MSI2: variants seen among roughly 807,000 people sequenced by gnomAD.
MSI2 encodes musashi RNA binding protein 2.
MSI2 carries 17 observed loss-of-function variants against 45.6 expected under a neutral mutation model. The ratio of observed to expected loss-of-function variants is 0.37; its 90% CI spans 0.26 to 0.56. The LOEUF (loss-of-function observed/expected upper bound fraction) is 0.56. Ranked by LOEUF, MSI2 falls within the 20% of genes least tolerant of loss-of-function variation. The pLI is 0.77. For synonymous variants in MSI2, 156 were observed against 158.2 expected, an observed-to-expected ratio of 0.99 and a Z score of 0.11; for missense variants, 293 against 444.2, an observed-to-expected ratio of 0.66 and a Z score of 3.06.
chr17:57,624,055 C>T (rs1265104108), intron 9 of MSI2, among the ~76,000 whole-genome samples: 1 of 152,120 alleles, frequency 6.6e-6, no homozygotes, highest in Admixed American at 6.5e-5. Flanking sequence ...TGAACTTGAC[C>T]ATGCTTTTCT....
intron 5 of MSI2, among the ~76,000 whole-genome samples, chr17:57,343,872 C>A (rs1567769622): frequency 6.6e-6 from 1 of 152,188 alleles, no homozygotes; most frequent in Non-Finnish European, 1.5e-5. Flanking sequence ...AGTATTTCCT[C>A]ATGACTAGAT....
intron 5 of MSI2, among the ~76,000 whole-genome samples, chr17:57,323,307 A>AT (rs1042205181): frequency 3.3e-5 from 5 of 152,002 alleles, no homozygotes; most frequent in African/African-American, 1.2e-4. Flanking sequence ...TGTGAGACTG[A>AT]TTTTTTTTCA....
intron 7 of MSI2, among the ~76,000 whole-genome samples, chr17:57,550,635 G>A (rs966594569): frequency 6.6e-6 from 1 of 152,132 alleles, no homozygotes; most frequent in Non-Finnish European, 1.5e-5. Flanking sequence ...ATCCAAACGA[G>A]CTCTCCGTTT....
intron 3 of MSI2, among the ~76,000 whole-genome samples, chr17:57,257,838 G>GTTTTTTTTTTTTTTTTTTTT (rs200658768): frequency 6.7e-6 from 1 of 148,184 alleles, no homozygotes. Context: ...CTTTCGCATA[G>GTTTTTTTTTTTTTTTTTTTT]TTTTTTTTTT....
At chr17:57,393,408 T>C (rs1193335850) in intron 5 of MSI2, among the ~76,000 whole-genome samples, 1 of 152,242 alleles carries the variant, frequency 6.6e-6, no homozygotes, top group Non-Finnish European at 1.5e-5. Flanking sequence ...CTTGTTTCAC[T>C]TGGCATAACG....
chr17:57,579,058 C>T (rs566481774), intron 7 of MSI2, among the ~76,000 whole-genome samples: 6 of 152,222 alleles, frequency 3.9e-5, no homozygotes, highest in East Asian at 1.9e-4. Context: ...GAATAAAAAC[C>T]GCTGTCAACA....
At chr17:57,370,978 C>T (rs941977676) in intron 5 of MSI2, among the ~76,000 whole-genome samples, 9 of 152,068 alleles carry the variant, frequency 5.9e-5, no homozygotes, top group Admixed American at 1.3e-4. Context: ...TGATTTGATC[C>T]GCAGGAGAAT....
At position 57,552,710 on chromosome 17, in the gene MSI2, G is replaced by A. The variant is rs1025179202; in HGVS notation, c.454+22986G>A. On this transcript the variant is annotated intron_variant, in intron 7 of 13. Transcript: ENST00000284073. This position sits in a 1 kb window ranked among gnomAD's most constrained non-coding sequence, Gnocchi z 4.3. Reference sequence around the variant, plus strand: ...CCCAACCCTCTCTGAGCCCCAACATGGGGGAACACTGGTCTCTTCTTTCTG... The same window carrying A: ...CCCAACCCTCTCTGAGCCCCAACATAGGGGAACACTGGTCTCTTCTTTCTG... Among the ~76,000 whole-genome samples, 5 of 152,214 alleles carry A rather than the reference G, an allele frequency of 3.3e-5. 1 individual carries two copies. The highest frequency in any genetic ancestry group is 3.3e-4 in the Admixed American group (5 of 15,284).
intron 5 of MSI2, among the ~76,000 whole-genome samples, chr17:57,283,184 C>G (rs1909573848): frequency 6.6e-6 from 1 of 152,068 alleles, no homozygotes; most frequent in South Asian, 2.1e-4. Flanking sequence ...CCTTTCTTTT[C>G]CCTTTCAAAC....
chr17:57,584,201 C>G (rs141225575), intron 7 of MSI2, among the ~76,000 whole-genome samples: 1 of 152,346 alleles, frequency 6.6e-6, no homozygotes, highest in East Asian at 1.9e-4. Context: ...TCCGCTCCCT[C>G]CTGGCAGAGC....
intron 5 of MSI2, among the ~76,000 whole-genome samples, chr17:57,322,265 C>T (rs147112125): frequency 6.6e-6 from 1 of 152,242 alleles, no homozygotes; most frequent in African/African-American, 2.4e-5. Flanking sequence ...CTTCTTTGGT[C>T]CTGAGCGCAG....
intron 5 of MSI2, among the ~76,000 whole-genome samples, chr17:57,303,430 G>C (rs1024180172): frequency 6.6e-6 from 1 of 152,214 alleles, no homozygotes; most frequent in African/African-American, 2.4e-5. Flanking sequence ...TAGAAACGCA[G>C]TGTGAAGGGG....
At chr17:57,591,954 C>A (rs1567921669) in intron 7 of MSI2, among the ~76,000 whole-genome samples, 2 of 151,874 alleles carry the variant, frequency 1.3e-5, no homozygotes, top group Non-Finnish European at 2.9e-5. Flanking sequence ...AGGCGGATCA[C>A]CTGAGGTCAG....
intron 10 of MSI2, among the ~76,000 whole-genome samples, chr17:57,650,191 A>G (rs1200145656): frequency 6.7e-6 from 1 of 149,376 alleles, no homozygotes; most frequent in Non-Finnish European, 1.5e-5. Context: ...TATTGACTAC[A>G]CTCCCCTCCC....
rs2087098762 is a variant in MSI2, at chr17:57,543,515, G to A, written c.454+13791G>A. ...CCAGAGGCCAGGTAGAGAGAGGTGT[G>A]TGCTTACAGATCGAGTTCTAAATTT... On this transcript the variant is annotated intron_variant, in intron 7 of 13. Transcript: ENST00000284073. Among the ~76,000 whole-genome samples the A allele has an allele frequency of 2.6e-5, 4 of 152,124 alleles. No homozygotes were observed. The South Asian group carries it at 8.3e-4, about 32-fold the overall frequency.
the MSI2 span, among the ~76,000 whole-genome samples, chr17:57,692,427 T>C: frequency 6.6e-6 from 1 of 152,222 alleles, no homozygotes; most frequent in Admixed American, 6.5e-5. Context: ...GGCCCAATAG[T>C]AATTCATATT....
At chr17:57,575,842 G>A (rs552580987) in intron 7 of MSI2, among the ~76,000 whole-genome samples, 13 of 152,054 alleles carry the variant, frequency 8.5e-5, no homozygotes, top group African/African-American at 3.1e-4. Context: ...CTACTCGGGA[G>A]GCTGAGGCAG....
intron 6 of MSI2, among the ~76,000 whole-genome samples, chr17:57,521,086 G>T (rs553570297): frequency 6.6e-6 from 1 of 152,326 alleles, no homozygotes; most frequent in South Asian, 2.1e-4. Context: ...TTGGAATGAA[G>T]GAAAAACGTG....
At chr17:57,597,040 C>A in intron 8 of MSI2, 90 bp downstream of exon 8, 2 of 957,900 alleles carry the variant, frequency 2.1e-6, no homozygotes, top group Non-Finnish European at 3.3e-6. Context: ...CATCATCAGG[C>A]TGGAGTGGGC....
Sources: allele counts gnomAD v4.1 joint callset (sites outside exome capture counted in the v4.1 genomes callset), GRCh38; gene constraint gnomAD v4.1.1; non-coding constraint Gnocchi (gnomAD v3.1); transcripts MANE v1.5; gene names NCBI Gene and HGNC (gene_info 2026-07-23, HGNC 2026-07-21).